PDE11A: variants seen among roughly 807,000 people sequenced by gnomAD.
PDE11A encodes the protein dual 3',5'-cyclic-AMP and -GMP phosphodiesterase 11A.
PDE11A carries 100 observed loss-of-function variants against 100.5 expected under a neutral mutation model. The ratio of observed to expected loss-of-function variants is 1.00; its 90% confidence interval spans 0.85 to 1.18. The LOEUF is 1.18. Ranked by LOEUF, PDE11A falls within the 50% of genes most tolerant of loss-of-function variation. PDE11A has a pLI of 0.00. For synonymous variants in PDE11A, 381 were observed against 420.8 expected (o/e 0.91, Z 1.16); for missense variants, 1,141 against 1,152.6 (o/e 0.99, Z 0.15).
At chr2:177,970,693 A>G (rs2085758197) in intron 2 of PDE11A, among the ~76,000 whole-genome samples, 1 of 152,192 alleles carries the variant, frequency 6.6e-6, no homozygotes, top group Non-Finnish European at 1.5e-5. Flanking sequence ...AGTTGAAATA[A>G]TGTACGCTAA....
chr2:177,708,940 T>G (rs935400735), intron 13 of PDE11A, among the ~76,000 whole-genome samples: 2 of 152,126 alleles, frequency 1.3e-5, no homozygotes, highest in Non-Finnish European at 2.9e-5. Flanking sequence ...TTAGGGTGGA[T>G]AGAAACACGA....
chr2:178,020,379 G>A (rs904919535), intron 1 of PDE11A, among the ~76,000 whole-genome samples: 1 of 152,190 alleles, frequency 6.6e-6, no homozygotes, highest in Non-Finnish European at 1.5e-5. Context: ...AGCATCCAAA[G>A]TCACATGAGA....
chr2:177,898,499 G>C (rs1447709692), intron 3 of PDE11A, among the ~76,000 whole-genome samples: 5 of 152,164 alleles, frequency 3.3e-5, no homozygotes, highest in Admixed American at 2.6e-4. Context: ...GCTGATTATA[G>C]GGGTCACTTG....
chr2:178,030,023 AC>A (rs2086524867), intron 1 of PDE11A, among the ~76,000 whole-genome samples: 1 of 152,204 alleles, frequency 6.6e-6, no homozygotes, highest in South Asian at 2.1e-4. Flanking sequence ...AGAACTGTGC[AC>A]TAATAAATTT....
rs929646297 is a variant in PDE11A at position 177,761,070 on chromosome 2, G to A, written c.1788+8253C>T. On this transcript the variant is annotated intron_variant, in intron 10 of 19. Coordinates refer to ENST00000286063, the MANE Select transcript of PDE11A (RefSeq NM_016953.4). Reference sequence around the variant, plus strand: ...TTTAGTCAGCAGGGTGGTGGTAGGAGGATACATGAATGAAGAAACGTATTT... The same window carrying A: ...TTTAGTCAGCAGGGTGGTGGTAGGAAGATACATGAATGAAGAAACGTATTT... 2.6e-5 allele frequency among the ~76,000 whole-genome samples: 4 copies of A among 152,158 alleles called. No individual in the cohort carries two copies. The South Asian group carries it at 8.3e-4, about 32-fold the overall frequency.
At chr2:177,668,194 A>G (rs2080618172) in intron 18 of PDE11A, among the ~76,000 whole-genome samples, 2 of 152,176 alleles carry the variant, frequency 1.3e-5, no homozygotes, top group South Asian at 4.1e-4. Context: ...GTGCTGCGCT[A>G]CTGCACCCAC....
intron 1 of PDE11A, among the ~76,000 whole-genome samples, chr2:178,036,064 G>T (rs1291947176): frequency 6.6e-6 from 1 of 152,160 alleles, no homozygotes; most frequent in Non-Finnish European, 1.5e-5. Flanking sequence ...TATTCAAATA[G>T]AAAGAGAGGA....
chr2:177,699,388 C>G (rs979075247), intron 14 of PDE11A, among the ~76,000 whole-genome samples: 5 of 152,170 alleles, frequency 3.3e-5, no homozygotes, highest in Admixed American at 1.3e-4. Context: ...TCTTGTTGAT[C>G]AAAACATGTT....
chr2:177,778,048 C>T (rs1472446051), intron 9 of PDE11A, among the ~76,000 whole-genome samples: 1 of 152,138 alleles, frequency 6.6e-6, no homozygotes, highest in Non-Finnish European at 1.5e-5. Flanking sequence ...TCCAGCAAAA[C>T]AACAACAAAA....
chr2:177,918,027 A>C (rs2084979622), intron 2 of PDE11A, among the ~76,000 whole-genome samples: 1 of 152,248 alleles, frequency 6.6e-6, no homozygotes, highest in Admixed American at 6.5e-5. Context: ...ACTAAAACAC[A>C]AAAGTGGTAC....
chr2:177,818,087 T>C (rs922435639), intron 7 of PDE11A, among the ~76,000 whole-genome samples, 162 bp from the exon 8 acceptor site: 1 of 152,028 alleles, frequency 6.6e-6, no homozygotes, highest in Non-Finnish European at 1.5e-5. Flanking sequence ...AAATCTGAGG[T>C]GTAGGACAAT....
At chr2:178,030,342 G>C (rs1377042352) in intron 1 of PDE11A, among the ~76,000 whole-genome samples, 2 of 152,044 alleles carry the variant, frequency 1.3e-5, no homozygotes, top group Non-Finnish European at 2.9e-5. Flanking sequence ...CAAAAAACTA[G>C]AGAACATAAA....
intron 1 of PDE11A, among the ~76,000 whole-genome samples, chr2:178,035,502 G>A (rs909765536): frequency 6.6e-6 from 1 of 152,190 alleles, no homozygotes. Context: ...TAGAAAAAGA[G>A]GGAATCCTCC....
intron 6 of PDE11A, among the ~76,000 whole-genome samples, chr2:177,838,933 G>A (rs929990589): frequency 6.6e-6 from 1 of 152,134 alleles, no homozygotes; most frequent in Non-Finnish European, 1.5e-5. Context: ...GTCAGTGTTA[G>A]GATAGCCAAG....
At chr2:177,781,987 T>C (rs745697136) in intron 9 of PDE11A, among the ~76,000 whole-genome samples, 18 of 152,230 alleles carry the variant, frequency 1.2e-4, no homozygotes, top group Non-Finnish European at 2.4e-4. Context: ...ATTACCCAGA[T>C]TAAAATGTTA....
chr2:177,819,860 T>TTCTCTTTCTCTCTCTCTCTC lies in PDE11A; in HGVS notation c.1576+359_1576+360insGAGAGAGAGAGAGAAAGAGA, dbSNP rs60572849. Among the ~76,000 whole-genome samples, 879 of 101,834 alleles carry TTCTCTTTCTCTCTCTCTCTC rather than the reference T, an allele frequency of 8.6e-3. 35 individuals carry two copies. The highest frequency in any genetic ancestry group is 9.8e-3 in the African/African-American group (256 of 26,126). 66.8% of individuals were successfully genotyped at this position (101,834 alleles called of 152,430 possible). ...CTTGAAGTCATTTCTCTTTCTCTCT[T>TTCTCTTTCTCTCTCTCTCTC]TCTCTCTTTCTCTCTCTCTCTCTCT... is the stretch of plus-strand genomic sequence containing the variant. On this transcript the variant is annotated intron_variant, in intron 7 of 19. Coordinates refer to ENST00000286063, the MANE Select transcript of PDE11A (RefSeq NM_016953.4).
At position 178,071,677 on chromosome 2, in the gene PDE11A, A is replaced by G. The variant is rs758852067; in HGVS notation, c.761T>C (p.Val254Ala). Reference sequence around the variant, plus strand: ...TGCATGCACATCAAAGAATTTGGAGACCAAGGTCTTCTTGCCAGCAGCTGC... The same window carrying G: ...TGCATGCACATCAAAGAATTTGGAGGCCAAGGTCTTCTTGCCAGCAGCTGC... ...EGAAAGKKTLVSKFFDVHAGT... is the reference protein window; with the variant it reads ...EGAAAGKKTLASKFFDVHAGT... Residue 254 changes from valine (V) to alanine (A), a missense_variant, in exon 1 of 20, where the codon GTC becomes GCC. Val to Ala is a moderately conservative substitution (Grantham distance 64, BLOSUM62 0). Coordinates refer to ENST00000286063, the MANE Select transcript of PDE11A (RefSeq NM_016953.4). 1.2e-6 allele frequency: 2 copies of G among 1,613,592 alleles called. No homozygotes were observed. Among genetic ancestry groups the G allele is most frequent in the South Asian group, 1.1e-5 (1 of 91,062 alleles).
chr2:177,874,195 G>C (rs569851841), intron 5 of PDE11A, among the ~76,000 whole-genome samples: 147 of 152,274 alleles, frequency 9.7e-4, no homozygotes, highest in Non-Finnish European at 1.5e-3. Flanking sequence ...GCTACCACTT[G>C]CTGGTTGCAG....
intron 17 of PDE11A, among the ~76,000 whole-genome samples, chr2:177,674,669 T>G (rs963387527): frequency 1.3e-5 from 2 of 152,228 alleles, no homozygotes; most frequent in African/African-American, 4.8e-5. Flanking sequence ...ACCTGATATC[T>G]TTGGGTGGCC....
Sources: allele counts gnomAD v4.1 joint callset (sites outside exome capture counted in the v4.1 genomes callset), GRCh38; gene constraint gnomAD v4.1.1; transcripts MANE v1.5; gene names NCBI Gene and HGNC (gene_info 2026-07-23, HGNC 2026-07-21).